The following SETX variants were observed in gnomAD, a reference collection of about 807,000 sequenced individuals.
SETX encodes the protein senataxin, also known as helicase senataxin.
SETX carries 90 observed loss-of-function variants against 227.2 expected under a neutral mutation model. The ratio of observed to expected loss-of-function variants is 0.40; its 90% CI spans 0.33 to 0.47. SETX has a LOEUF of 0.47. Ranked by LOEUF, SETX falls within the 20% of genes least tolerant of loss-of-function variation. SETX has a pLI of 0.91. For missense variants in SETX, 3,052 were observed against 3,181.5 expected (o/e 0.96, Z 0.98); for synonymous variants, 1,210 against 1,113.2 (o/e 1.09, Z -1.73).
At chr9:132,274,254 G>T (rs931161970) in intron 23 of SETX, among the ~76,000 whole-genome samples, 5 of 151,938 alleles carry the variant, frequency 3.3e-5, no homozygotes, top group Non-Finnish European at 7.3e-5. Context: ...CTTTCCCTTG[G>T]CTTTGGTATC....
chr9:132,339,778 A>G (rs1002829468), intron 5 of SETX, among the ~76,000 whole-genome samples: 164 of 152,018 alleles, frequency 1.1e-3, no homozygotes, highest in African/African-American at 3.8e-3. Context: ...ACACCTGCCT[A>G]ATTTTTTTGT....
chr9:132,312,534 T>A (rs948751072), intron 10 of SETX, among the ~76,000 whole-genome samples: 3 of 152,226 alleles, frequency 2.0e-5, no homozygotes, highest in Middle Eastern at 3.2e-3. Context: ...CATTAAGTAT[T>A]TAAATCAACA....
rs774188752 is a variant in SETX, at chr9:132,331,274, A to G, written c.1010+3T>C. On this transcript the variant is annotated splice_donor_region_variant and intron_variant, in intron 8 of 25. Transcript: ENST00000224140. ...TTTAAATCCTGACATTAGCTGAACT[A>G]ACCTTACAGAGCTGTTCCGTATATG... The G allele has an allele frequency of 3.1e-6, 5 of 1,614,112 alleles. No individual in the cohort carries two copies. The Admixed American group carries it at 8.3e-5, about 27-fold the overall frequency.
chr9:132,341,784 T>C (rs1847985710), intron 5 of SETX, among the ~76,000 whole-genome samples: 1 of 152,216 alleles, frequency 6.6e-6, no homozygotes, highest in Non-Finnish European at 1.5e-5. Context: ...GCCTGGAGTA[T>C]ACTTCTAATT....
intron 10 of SETX, among the ~76,000 whole-genome samples, chr9:132,325,597 T>G (rs1846689422): frequency 6.6e-6 from 1 of 152,124 alleles, no homozygotes; most frequent in African/African-American, 2.4e-5. Flanking sequence ...GCACTTGGTA[T>G]ATTAGCACCC....
At chr9:132,291,959 GATTTTAATTAAAATATAAACTATTA>G (rs1232704071) in intron 15 of SETX, among the ~76,000 whole-genome samples, 1 of 152,054 alleles carries the variant, frequency 6.6e-6, no homozygotes, top group Non-Finnish European at 1.5e-5. Context: ...CAGGAAAAAT[GATTTTAATTAAAATATAAACTATTA>G]ATCAAGTGAT....
At chr9:132,334,237 A>C (rs1460521066) in intron 7 of SETX, among the ~76,000 whole-genome samples, 2 of 152,182 alleles carry the variant, frequency 1.3e-5, no homozygotes, top group African/African-American at 4.8e-5. Context: ...CCTGAGATCA[A>C]GAGTTCAAGA....
intron 12 of SETX, among the ~76,000 whole-genome samples, chr9:132,299,538 T>C (rs551721909): frequency 7.9e-5 from 12 of 152,342 alleles, no homozygotes; most frequent in African/African-American, 2.9e-4. Flanking sequence ...TGCAGTACAA[T>C]GTTGACACAC....
chr9:132,335,155 C>T (rs1341668579), intron 6 of SETX, among the ~76,000 whole-genome samples: 1 of 151,852 alleles, frequency 6.6e-6, no homozygotes, highest in African/African-American at 2.4e-5. Flanking sequence ...CTTTGGGAGG[C>T]CAAGGCGGGC....
intron 10 of SETX, among the ~76,000 whole-genome samples, chr9:132,325,390 T>C (rs1276217730): frequency 1.3e-5 from 2 of 151,938 alleles, no homozygotes; most frequent in Admixed American, 6.6e-5. Context: ...AGAAAGAAAC[T>C]GGGAAGTCTG....
chr9:132,276,143 TTTAC>T (rs1843150795), intron 22 of SETX, among the ~76,000 whole-genome samples: 1 of 152,204 alleles, frequency 6.6e-6, no homozygotes, highest in South Asian at 2.1e-4. Flanking sequence ...CCCGCCTTGC[TTTAC>T]GAGCCTTAAA....
intron 11 of SETX, among the ~76,000 whole-genome samples, chr9:132,306,824 T>C (rs1177988405): frequency 6.6e-6 from 1 of 152,048 alleles, no homozygotes; most frequent in African/African-American, 2.4e-5. Flanking sequence ...TCAAGTGATC[T>C]TGCCTCAGCC....
In SETX at chr9:132,328,058, G is replaced by A. The variant is rs1846954358; in HGVS notation, c.3540C>T (p.Val1180=). The A allele has an allele frequency of 6.2e-7, 1 of 1,613,980 alleles. No homozygotes were observed. Among genetic ancestry groups the A allele is most frequent in the Non-Finnish European group, 8.5e-7 (1 of 1,180,030 alleles). The change falls in exon 10 of 26, where the codon GTC becomes GTT. Residue 1180 remains valine, a synonymous_variant. Coordinates refer to ENST00000224140, the MANE Select transcript of SETX (RefSeq NM_015046.7). ...AEDPVRPSSS[V]RNEGQSDTNK... ...TAGTATCAGACTGGCCCTCATTTCT[G>A]ACAGAAGATGAAGGCCTCACAGGAT...
At chr9:132,317,749 C>T (rs908187605) in intron 10 of SETX, among the ~76,000 whole-genome samples, 1 of 152,240 alleles carries the variant, frequency 6.6e-6, no homozygotes, top group Middle Eastern at 3.4e-3. Context: ...AGGCATGAGC[C>T]ACTGTACCTG....
intron 2 of SETX, among the ~76,000 whole-genome samples, chr9:132,352,456 T>G (rs373647474): frequency 6.6e-6 from 1 of 152,172 alleles, no homozygotes; most frequent in African/African-American, 2.4e-5. Flanking sequence ...GAATGTATTG[T>G]AAAACTTAAT....
chr9:132,279,812 T>C (rs779454965), intron 20 of SETX, among the ~76,000 whole-genome samples: 27 of 152,156 alleles, frequency 1.8e-4, no homozygotes, highest in African/African-American at 6.3e-4. Context: ...ACAAATGACA[T>C]AGATTTATTA....
At chr9:132,293,055 T>C (rs1564497733) in intron 15 of SETX, among the ~76,000 whole-genome samples, 2 of 152,150 alleles carry the variant, frequency 1.3e-5, no homozygotes, top group Non-Finnish European at 2.9e-5. Flanking sequence ...AAATAAAACA[T>C]TAGCAATCTA....
At chr9:132,275,151 A>G in intron 23 of SETX, 105 bp downstream of exon 23, 1 of 1,281,534 alleles carries the variant, frequency 7.8e-7, no homozygotes, top group South Asian at 1.2e-5. Flanking sequence ...CGTATCACCA[A>G]TTTGCACAGA....
Position 132,326,684 on chromosome 9 carries a change from T to C in SETX, c.4914A>G (p.Pro1638=), listed in dbSNP as rs202231891. Residue 1638 remains proline (P), a synonymous_variant, in exon 10 of 26, where the codon CCA becomes CCG. Transcript: ENST00000224140. ...SKGIQSILKV[P]QPVPLIAQKP... is the part of the protein sequence containing the mutation. ...TCTGAGCTATGAGGGGAACTGGCTGTGGTACTTTCAAAATCGACTGTATCC... is the reference window on the plus strand; with the variant it reads ...TCTGAGCTATGAGGGGAACTGGCTGCGGTACTTTCAAAATCGACTGTATCC... 1.2e-6 allele frequency: 2 copies of C among 1,614,186 alleles called. No homozygotes were observed. The highest frequency in any genetic ancestry group is 3.3e-5 in the Admixed American group (2 of 60,020).
Sources: allele counts gnomAD v4.1 joint callset (sites outside exome capture counted in the v4.1 genomes callset), GRCh38; gene constraint gnomAD v4.1.1; transcripts MANE v1.5; gene names NCBI Gene and HGNC (gene_info 2026-07-23, HGNC 2026-07-21).